The following RRAGD variants were observed in gnomAD, a reference collection of about 807,000 sequenced individuals.
RRAGD encodes the protein Ras related GTP binding D.
Under a neutral mutation model 35.5 loss-of-function variants are expected in RRAGD, and 12 were observed. The ratio of observed to expected loss-of-function variants is 0.34; its 90% CI spans 0.22 to 0.55. The LOEUF (loss-of-function observed/expected upper bound fraction) is 0.55. Among genes scored for constraint, RRAGD ranks in the 20% least tolerant of loss-of-function variants. The pLI, the probability that RRAGD is intolerant of heterozygous loss-of-function variation, is 0.91. For synonymous variants in RRAGD, 155 were observed against 178.9 expected, an observed-to-expected ratio of 0.87 and a Z score of 1.07; for missense variants, 324 against 490.1, an observed-to-expected ratio of 0.66 and a Z score of 3.20.
chr6:89,387,095 C>T (rs1465073525), intron 2 of RRAGD, among the ~76,000 whole-genome samples, 200 bp downstream of exon 2: 2 of 152,192 alleles, frequency 1.3e-5, no homozygotes, highest in Non-Finnish European at 2.9e-5. Context: ...GCTGAAGTGT[C>T]AATTGTTCCC....
At chr6:89,386,440 G>A (rs988858717) in intron 2 of RRAGD, among the ~76,000 whole-genome samples, 12 of 152,148 alleles carry the variant, frequency 7.9e-5, no homozygotes, top group South Asian at 4.1e-4. Context: ...GGAATGACTC[G>A]CGACTGGGAA....
chr6:89,403,401 C>T (rs1368501125), intron 1 of RRAGD, among the ~76,000 whole-genome samples: 7 of 151,604 alleles, frequency 4.6e-5, no homozygotes, highest in South Asian at 4.2e-4. Flanking sequence ...GCAGAGATCG[C>T]GCCACTGCAC....
rs1294582039 is a variant in RRAGD at position 89,367,598 on chromosome 6, C to T, written c.*458G>A. 2.0e-5 allele frequency: 3 copies of T among 152,690 alleles called. No individual in the cohort carries two copies. Among genetic ancestry groups the T allele is most frequent in the African/African-American group, 7.2e-5 (3 of 41,476 alleles). The allele number at this position is 152,690 out of a possible 1,614,324, so 9.5% of individuals were successfully genotyped here. On this transcript the variant is annotated 3_prime_UTR_variant, in exon 7 of 7. Coordinates refer to ENST00000369415, the MANE Select transcript of RRAGD (RefSeq NM_021244.5). ...TTGGTAGCAAAGATTTCCAAATTTA[C>T]AAAAAGTCATTACCAATGCATCACT...
intron 2 of RRAGD, among the ~76,000 whole-genome samples, chr6:89,387,018 T>G (rs553829586): frequency 6.6e-6 from 1 of 152,190 alleles, no homozygotes; most frequent in East Asian, 1.9e-4. Flanking sequence ...AGCGGTACCA[T>G]AGTGGGGATG....
At chr6:89,383,160 G>A (rs1216974098) in intron 2 of RRAGD, among the ~76,000 whole-genome samples, 1 of 152,186 alleles carries the variant, frequency 6.6e-6, no homozygotes, top group Non-Finnish European at 1.5e-5. Context: ...CTGTTGAACT[G>A]TACACTTAAA....
At chr6:89,409,139 C>A (rs544090850) in intron 1 of RRAGD, among the ~76,000 whole-genome samples, 1 of 152,230 alleles carries the variant, frequency 6.6e-6, no homozygotes, top group Non-Finnish European at 1.5e-5. Flanking sequence ...GTAAAATTTA[C>A]AAGGCATACT....
intron 1 of RRAGD, among the ~76,000 whole-genome samples, chr6:89,399,687 G>C (rs1769415188): frequency 6.6e-6 from 1 of 152,012 alleles, no homozygotes; most frequent in Non-Finnish European, 1.5e-5. Context: ...GGCTGAGATA[G>C]GAGGATCACC....
intron 5 of RRAGD, among the ~76,000 whole-genome samples, chr6:89,376,097 T>G (rs971856660): frequency 6.6e-6 from 1 of 152,190 alleles, no homozygotes; most frequent in African/African-American, 2.4e-5. Context: ...TTAAACGGTT[T>G]AAAAATAATA....
chr6:89,384,017 C>T (rs1055802063), intron 2 of RRAGD, among the ~76,000 whole-genome samples: 65 of 151,424 alleles, frequency 4.3e-4, no homozygotes, highest in Non-Finnish European at 7.7e-4. Context: ...GGAGGAGAAT[C>T]ACTTGAACCC....
intron 1 of RRAGD, among the ~76,000 whole-genome samples, chr6:89,391,288 G>C (rs1163880505): frequency 1.3e-5 from 2 of 151,568 alleles, no homozygotes; most frequent in African/African-American, 2.4e-5. Context: ...AGGAGACCAA[G>C]GTGGAAGGAT....
chr6:89,411,925 ATCCTCCTCC>A lies in RRAGD; in HGVS notation c.60_68del (p.Glu20_Glu22del). On this transcript the variant is annotated inframe_deletion, in exon 1 of 7. Coordinates refer to ENST00000369415, the MANE Select transcript of RRAGD (RefSeq NM_021244.5). The surrounding 1 kb of genome is among the most constrained non-coding windows in gnomAD (Gnocchi z 5.6). ...CGTAGTCCGCTAGCCCCACCAGCTC[ATCCTCCTCC>A]TCCTCCTCCTCCGCGTCGTCCTCGT... is the stretch of plus-strand genomic sequence containing the variant. 6.5e-7 allele frequency: 1 copy of A among 1,540,482 alleles called. No individual in the cohort carries two copies. The highest frequency in any genetic ancestry group is 8.7e-7 in the Non-Finnish European group (1 of 1,145,270).
At chr6:89,402,037 G>GGTTTTTTTTTTT (rs1194197994) in intron 1 of RRAGD, among the ~76,000 whole-genome samples, 4 of 52,312 alleles carry the variant, frequency 7.6e-5, no homozygotes, top group African/African-American at 2.9e-4. Flanking sequence ...AAATCCTAAG[G>GGTTTTTTTTTTT]ATTTTTTTTT....
intron 2 of RRAGD, among the ~76,000 whole-genome samples, chr6:89,380,826 G>A (rs1318311572): frequency 2.6e-5 from 4 of 151,070 alleles, no homozygotes; most frequent in Non-Finnish European, 5.9e-5. Context: ...AGAATTGCTT[G>A]AACCCAGGAG....
chr6:89,404,326 A>G (rs1275941373), intron 1 of RRAGD, among the ~76,000 whole-genome samples: 1 of 152,234 alleles, frequency 6.6e-6, no homozygotes, highest in Non-Finnish European at 1.5e-5. Flanking sequence ...GGATGATTAC[A>G]TGAAAGTGAC....
At position 89,379,512 on chromosome 6, in the gene RRAGD, C is replaced by T. The variant is rs1582507977; in HGVS notation, c.645-174G>A. ...GTAAAAAACAAGCCATTCCTCCCCA[C>T]CTCCCAAAAAGCCCGAGCTGTGCCT... On this transcript the variant is annotated intron_variant, in intron 3 of 6. Coordinates refer to ENST00000369415, the MANE Select transcript of RRAGD (RefSeq NM_021244.5). 1.3e-5 allele frequency among the ~76,000 whole-genome samples: 2 copies of T among 152,316 alleles called. 1 individual carries two copies. Among genetic ancestry groups the T allele is most frequent in the South Asian group, 4.1e-4 (2 of 4,830 alleles).
rs61760903 is a variant in RRAGD, at chr6:89,368,188, A to G, written c.1071T>C (p.Phe357=). ...CATGAATGGCCTTCCGGAAGCAATG[A>G]AAATTATAGTCAATTAGCCCTGGAG... The part of the protein sequence containing the change: ...FERKGLIDYN[F]HCFRKAIHEV... The change falls in exon 7 of 7, where the codon TTT becomes TTC. Residue 357 remains phenylalanine, a synonymous_variant. Coordinates refer to ENST00000369415, the MANE Select transcript of RRAGD (RefSeq NM_021244.5). 1.2e-6 allele frequency: 2 copies of G among 1,613,526 alleles called. No individual in the cohort carries two copies. The highest frequency in any genetic ancestry group is 1.7e-6 in the Non-Finnish European group (2 of 1,179,872).
intron 5 of RRAGD, among the ~76,000 whole-genome samples, chr6:89,376,534 A>G (rs112816545): frequency 1.3e-4 from 20 of 152,224 alleles, no homozygotes; most frequent in Non-Finnish European, 2.4e-4. Flanking sequence ...GTCAGATACA[A>G]TACAGATAGC....
chr6:89,395,051 G>A (rs1582518373), intron 1 of RRAGD, among the ~76,000 whole-genome samples: 2 of 152,230 alleles, frequency 1.3e-5, no homozygotes, highest in Non-Finnish European at 2.9e-5. Flanking sequence ...GAGCCCAAGA[G>A]TTTGAGACCA....
At chr6:89,380,035 T>C (rs1769014871) in intron 3 of RRAGD, 133 bp downstream of exon 3, 1 of 746,358 alleles carries the variant, frequency 1.3e-6, no homozygotes, top group Admixed American at 2.3e-5. Context: ...CCTAATCCTA[T>C]CCATCTACAG....
Sources: gnomAD v4.1 joint callset for allele counts (sites outside exome capture counted in the v4.1 genomes callset) on GRCh38, gnomAD v4.1.1 for gene constraint, Gnocchi (gnomAD v3.1) non-coding constraint, MANE v1.5 for transcripts, NCBI Gene and HGNC (gene_info 2026-07-23, HGNC 2026-07-21) for gene names.